DHX57: variants seen among roughly 807,000 people sequenced by gnomAD.
DHX57 encodes the protein DExH-box helicase 57, also known as putative ATP-dependent RNA helicase DHX57.
DHX57 carries 105 observed loss-of-function variants against 156.2 expected under a neutral mutation model. The observed-to-expected ratio is 0.67, with a 90% CI of 0.57 to 0.79. The LOEUF (loss-of-function observed/expected upper bound fraction) is 0.79, where lower values mean the gene tolerates loss of function less well. Ranked by LOEUF, DHX57 falls within the 30% of genes least tolerant of loss-of-function variation. The pLI is 0.00. For missense variants in DHX57, 1,847 were observed against 1,661.9 expected (o/e 1.11, Z -1.94); for synonymous variants, 704 against 595.6 (o/e 1.18, Z -2.65).
chr2:38,828,666 T>C (rs1671230890), intron 13 of DHX57, among the ~76,000 whole-genome samples: 2 of 150,788 alleles, frequency 1.3e-5, no homozygotes, highest in African/African-American at 4.9e-5. Flanking sequence ...GAGTTTGCGG[T>C]AAGCCAAGAT....
chr2:38,862,048 A>G, intron 4 of DHX57, 97 bp downstream of exon 4: 1 of 1,392,306 alleles, frequency 7.2e-7, no homozygotes, highest in Non-Finnish European at 9.6e-7. Flanking sequence ...GCTGGAACCC[A>G]CATAATAGGA....
chr2:38,799,437 CAAA>C (rs772099726), intron 23 of DHX57, among the ~76,000 whole-genome samples: 1 of 95,628 alleles, frequency 1.0e-5, no homozygotes, highest in Non-Finnish European at 1.9e-5. Flanking sequence ...CTTGTTGTCT[CAAA>C]AAAAAAAAAA....
intron 1 of DHX57, among the ~76,000 whole-genome samples, chr2:38,871,541 T>C (rs1403726755): frequency 1.3e-5 from 2 of 152,160 alleles, no homozygotes; most frequent in African/African-American, 4.8e-5. Context: ...GACTAGGTAA[T>C]TTATAAACAA....
At chr2:38,838,260 G>C (rs1015940919) in intron 12 of DHX57, among the ~76,000 whole-genome samples, 17 of 152,152 alleles carry the variant, frequency 1.1e-4, no homozygotes, top group Non-Finnish European at 2.2e-4. Context: ...CACCATACCT[G>C]GTTAATTTAA....
intron 21 of DHX57, among the ~76,000 whole-genome samples, chr2:38,809,588 A>G (rs1670134418): frequency 6.6e-6 from 1 of 151,340 alleles, no homozygotes; most frequent in Non-Finnish European, 1.5e-5. Flanking sequence ...CAGCCTCCCA[A>G]GTAGTTGGGA....
At chr2:38,871,981 T>G (rs1203533932) in intron 1 of DHX57, among the ~76,000 whole-genome samples, 1 of 152,186 alleles carries the variant, frequency 6.6e-6, no homozygotes, top group Non-Finnish European at 1.5e-5. Flanking sequence ...GTGCTGGGAT[T>G]ACAGGCGTGA....
intron 19 of DHX57, among the ~76,000 whole-genome samples, chr2:38,817,372 T>C (rs1193190830): frequency 3.3e-5 from 5 of 152,200 alleles, no homozygotes; most frequent in African/African-American, 1.2e-4. Flanking sequence ...TGGAGTGCAA[T>C]GGCACAATCT....
chr2:38,824,038 A>G (rs3112148), intron 16 of DHX57, among the ~76,000 whole-genome samples: 139,094 of 152,118 alleles, frequency 0.91, 64,953 homozygotes, highest in East Asian at 1. Context: ...ATCTTGCAGA[A>G]CAGAGATACT....
intron 13 of DHX57, among the ~76,000 whole-genome samples, chr2:38,836,563 C>G (rs1454555656): frequency 6.6e-6 from 1 of 152,040 alleles, no homozygotes; most frequent in Non-Finnish European, 1.5e-5. Context: ...CATGTGAGGT[C>G]AGGAGTTCAA....
intron 23 of DHX57, among the ~76,000 whole-genome samples, chr2:38,798,797 A>G (rs1430689090): frequency 6.6e-6 from 1 of 152,068 alleles, no homozygotes; most frequent in Non-Finnish European, 1.5e-5. Context: ...TACAAAAATT[A>G]GCGAGTTGTG....
intron 13 of DHX57, 93 bp from the exon 14 acceptor site, chr2:38,828,529 T>G: frequency 1.3e-6 from 1 of 786,544 alleles, no homozygotes; most frequent in Non-Finnish European, 1.9e-6. Flanking sequence ...ATAAATGAAG[T>G]AAATGAAAAA....
At position 38,810,494 on chromosome 2, in the gene DHX57, G is replaced by A; in HGVS notation, c.3681+3327C>T. On this transcript the variant is annotated intron_variant, in intron 21 of 23. Transcript: ENST00000457308. ...ATTCCTTCATCCTGAGGGAATTGAT[G>A]TTGATGAGACTGGTGTCACCGACTG... 5 of 554,312 alleles carry A rather than the reference G, an allele frequency of 9.0e-6. 1 individual carries two copies. The highest frequency in any genetic ancestry group is 7.0e-5 in the South Asian group (5 of 71,204). 34.3% of individuals were successfully genotyped at this position (554,312 alleles called of 1,614,324 possible).
rs746636149 is a variant in DHX57 at position 38,861,191 on chromosome 2, C to T, written c.1219G>A (p.Val407Ile). ...AAAAGGGTTATCAAAGAATATACGACAGGTTCCGAAGTTTCCGCAAATGTC... is the reference window on the plus strand; with the variant it reads ...AAAAGGGTTATCAAAGAATATACGATAGGTTCCGAAGTTTCCGCAAATGTC... ...ALTFAETSEP[V>I]VYSLITLLEE... The change falls in exon 5 of 24, where the codon GTC (valine) becomes ATC (isoleucine). Residue 407 changes from valine (V) to isoleucine (I), a missense_variant. Physicochemically the swap from Val to Ile is conservative, Grantham distance 29. Transcript: ENST00000457308. 8.7e-6 allele frequency: 14 copies of T among 1,614,034 alleles called. No homozygotes were observed. The Admixed American group carries it at 1.2e-4, about 13-fold the overall frequency.
intron 21 of DHX57, among the ~76,000 whole-genome samples, chr2:38,808,595 T>A (rs1670076749): frequency 6.6e-6 from 1 of 152,166 alleles, no homozygotes; most frequent in Non-Finnish European, 1.5e-5. Flanking sequence ...ATGAATATTC[T>A]CCTAGCTGTA....
intron 13 of DHX57, among the ~76,000 whole-genome samples, chr2:38,831,713 C>T (rs768150831): frequency 1.2e-3 from 187 of 151,424 alleles, no homozygotes; most frequent in Non-Finnish European, 2.0e-3. Context: ...AAAAATTAGC[C>T]GGGCATGGTG....
chr2:38,834,105 A>G (rs1414725485), intron 13 of DHX57, among the ~76,000 whole-genome samples: 1 of 151,832 alleles, frequency 6.6e-6, no homozygotes, highest in African/African-American at 2.4e-5. Context: ...TGAGGTGGGT[A>G]GATCACCTGA....
In DHX57 at chr2:38,819,057, C is replaced by A. The variant is rs748208040; in HGVS notation, c.3379G>T (p.Ala1127Ser). The A allele has an allele frequency of 1.2e-6, 2 of 1,614,118 alleles. No individual in the cohort carries two copies. The highest frequency in any genetic ancestry group is 4.5e-5 in the East Asian group (2 of 44,890). Residue 1127 changes from alanine (A) to serine (S), a missense_variant, in exon 18 of 24, where the codon GCG (alanine) becomes TCG (serine). By Grantham distance (99) the Ala-to-Ser change is moderately conservative (BLOSUM62 1). Coordinates refer to ENST00000457308, the MANE Select transcript of DHX57 (RefSeq NM_198963.3). The part of the protein sequence containing the change: ...ANSDYLALLQ[A>S]YKGWQLSTKE... ...TTAGGTTATATACTTACCTTATACGCTTGTAGAAGGGCCAGATAATCACTG... is the reference window on the plus strand; with the variant it reads ...TTAGGTTATATACTTACCTTATACGATTGTAGAAGGGCCAGATAATCACTG...
intron 7 of DHX57, 102 bp downstream of exon 7, chr2:38,856,238 T>A: frequency 6.7e-7 from 1 of 1,483,688 alleles, no homozygotes; most frequent in Non-Finnish European, 8.9e-7. Flanking sequence ...ATAATATCTA[T>A]AAATCCAGCT....
chr2:38,806,983 G>A (rs1419170586), intron 21 of DHX57, among the ~76,000 whole-genome samples: 3 of 150,652 alleles, frequency 2.0e-5, no homozygotes, highest in African/African-American at 7.3e-5. Flanking sequence ...CTGTACTGAT[G>A]ATCAGGTGCA....
Sources: gnomAD v4.1 joint callset for allele counts (sites outside exome capture counted in the v4.1 genomes callset) on GRCh38, gnomAD v4.1.1 for gene constraint, MANE v1.5 for transcripts, NCBI Gene and HGNC (gene_info 2026-07-23, HGNC 2026-07-21) for gene names.